The following TLL2 variants were observed in gnomAD, a reference collection of about 807,000 sequenced individuals.
TLL2 encodes the protein tolloid like 2, also known as tolloid-like protein 2.
TLL2 carries 106 observed loss-of-function variants against 123.0 expected under a neutral mutation model. The observed-to-expected ratio is 0.86, with a 90% CI of 0.74 to 1.01. TLL2 has a LOEUF of 1.01. Among genes scored for constraint, TLL2 ranks in the 50% least tolerant of loss-of-function variants. The probability of loss-of-function intolerance (pLI) is 0.00; values close to 1 mark genes in which losing one functional copy is unlikely to be tolerated. For synonymous variants in TLL2, 494 were observed against 516.8 expected (o/e 0.96, Z 0.60); for missense variants, 1,332 against 1,336.7 (o/e 1.00, Z 0.06).
At chr10:96,504,779 A>G (rs1847563228) in intron 1 of TLL2, among the ~76,000 whole-genome samples, 1 of 152,174 alleles carries the variant, frequency 6.6e-6, no homozygotes, top group Non-Finnish European at 1.5e-5. Flanking sequence ...GGCCGAAGTG[A>G]GCAGATCACG....
intron 7 of TLL2, among the ~76,000 whole-genome samples, chr10:96,419,892 C>T (rs984806364): frequency 2.6e-5 from 4 of 152,116 alleles, no homozygotes; most frequent in Admixed American, 6.5e-5. Flanking sequence ...GGATTATTTC[C>T]CTCTTTGCTG....
At chr10:96,504,396 G>T (rs1242222786) in intron 1 of TLL2, among the ~76,000 whole-genome samples, 1 of 152,104 alleles carries the variant, frequency 6.6e-6, no homozygotes, top group East Asian at 1.9e-4. Context: ...GATCACTTGA[G>T]GCCAGGAGTT....
chr10:96,439,785 C>A (rs1846833380), intron 3 of TLL2, among the ~76,000 whole-genome samples: 1 of 152,166 alleles, frequency 6.6e-6, no homozygotes, highest in African/African-American at 2.4e-5. Flanking sequence ...ACCAGAATTT[C>A]TAGAACAGAA....
chr10:96,379,150 G>T, intron 16 of TLL2, 58 bp from the exon 17 acceptor site: 1 of 1,580,834 alleles, frequency 6.3e-7, no homozygotes, highest in Non-Finnish European at 8.7e-7. Context: ...TGTCCCTCAG[G>T]GCTCAGAATC....
chr10:96,485,900 C>A (rs1246960452), intron 1 of TLL2, among the ~76,000 whole-genome samples: 1 of 152,038 alleles, frequency 6.6e-6, no homozygotes, highest in Non-Finnish European at 1.5e-5. Context: ...AAAAAGTGTC[C>A]GATGTCAATT....
Position 96,367,365 on chromosome 10 carries a change from C to T in TLL2, c.*723G>A, listed in dbSNP as rs1032972322. The stretch of plus-strand genomic sequence containing the variant: ...TTGTCTTCTCAGCAGACAGGACTCT[C>T]GCCAGCAAATGTTCTGCTGTATTCA... On this transcript the variant is annotated 3_prime_UTR_variant, in exon 21 of 21. Transcript: ENST00000357947. 1 of 152,198 alleles carries T rather than the reference C, an allele frequency of 6.6e-6. No homozygotes were observed. Among genetic ancestry groups the T allele is most frequent in the Admixed American group, 6.5e-5 (1 of 15,284 alleles). 9.4% of individuals were successfully genotyped at this position (152,198 alleles called of 1,614,324 possible). A position where few individuals can be genotyped will look rare whatever the true frequency, so the allele number is the denominator to read the frequency against.
At chr10:96,442,686 T>C (rs371878657) in intron 3 of TLL2, among the ~76,000 whole-genome samples, 20 of 152,330 alleles carry the variant, frequency 1.3e-4, no homozygotes, top group African/African-American at 4.8e-4. Context: ...CCAAGATTTT[T>C]TGTTGCAGTG....
At chr10:96,417,407 A>G (rs929446682) in intron 7 of TLL2, among the ~76,000 whole-genome samples, 3 of 152,236 alleles carry the variant, frequency 2.0e-5, no homozygotes, top group African/African-American at 7.2e-5. Context: ...TCTGGGGCAG[A>G]GGTGACAAGG....
intron 2 of TLL2, among the ~76,000 whole-genome samples, chr10:96,479,591 G>A (rs889953607): frequency 1.3e-5 from 2 of 152,228 alleles, no homozygotes; most frequent in African/African-American, 4.8e-5. Flanking sequence ...GGGCTGCAGA[G>A]AGCAGTGGGA....
intron 1 of TLL2, among the ~76,000 whole-genome samples, chr10:96,499,032 T>A (rs2134113272): frequency 6.6e-6 from 1 of 152,372 alleles, no homozygotes; most frequent in Non-Finnish European, 1.5e-5. Context: ...TTTGTGACAC[T>A]GGAACTGGAC....
chr10:96,396,976 G>A (rs996149411), intron 11 of TLL2, among the ~76,000 whole-genome samples: 7 of 152,190 alleles, frequency 4.6e-5, no homozygotes, highest in African/African-American at 1.4e-4. Flanking sequence ...TCAGAAGGAT[G>A]GCACTACTTC....
intron 13 of TLL2, among the ~76,000 whole-genome samples, chr10:96,388,969 C>A (rs1846261018): frequency 6.6e-6 from 1 of 152,206 alleles, no homozygotes; most frequent in East Asian, 1.9e-4. Context: ...TGAAGTTGCC[C>A]ATCGCCTCAA....
At chr10:96,369,122 C>G (rs1846054405) in intron 20 of TLL2, among the ~76,000 whole-genome samples, 1 of 152,340 alleles carries the variant, frequency 6.6e-6, no homozygotes, top group Non-Finnish European at 1.5e-5. Flanking sequence ...ACCGGGCCTC[C>G]AGGCAACAGA....
At chr10:96,428,845 C>T (rs1846706835) in intron 4 of TLL2, 97 bp from the exon 5 acceptor site, 5 of 808,910 alleles carry the variant, frequency 6.2e-6, no homozygotes, top group Middle Eastern at 2.6e-4. Flanking sequence ...GCCTTTGTTG[C>T]CCAGGCTGGA....
At chr10:96,504,958 A>C (rs763638450) in intron 1 of TLL2, among the ~76,000 whole-genome samples, 3 of 152,258 alleles carry the variant, frequency 2.0e-5, no homozygotes, top group Non-Finnish European at 2.9e-5. Flanking sequence ...CAGTGAGCCG[A>C]GATCGCACCG....
chr10:96,494,801 A>G (rs1467281851), intron 1 of TLL2, among the ~76,000 whole-genome samples: 2 of 152,226 alleles, frequency 1.3e-5, no homozygotes, highest in Non-Finnish European at 2.9e-5. Flanking sequence ...TTCTGGAGGC[A>G]TGGCCCACAA....
chr10:96,424,263 C>T (rs1274269805), intron 5 of TLL2, among the ~76,000 whole-genome samples: 1 of 151,942 alleles, frequency 6.6e-6, no homozygotes, highest in Non-Finnish European at 1.5e-5. Flanking sequence ...AACAGAGTGA[C>T]TATAGTCAAT....
chr10:96,476,248 T>TTTTTGTTGTTGTTGTTG (rs1285354320), intron 2 of TLL2, among the ~76,000 whole-genome samples: 1 of 69,228 alleles, frequency 1.4e-5, no homozygotes, highest in African/African-American at 6.2e-5. Context: ...ATATTTTATT[T>TTTTTGTTGTTGTTGTTG]TTGTTGTTGT....
intron 4 of TLL2, among the ~76,000 whole-genome samples, chr10:96,431,647 G>A (rs1239932049): frequency 6.6e-6 from 1 of 152,178 alleles, no homozygotes; most frequent in Admixed American, 6.5e-5. Context: ...AGATACGGAA[G>A]CAGAAATGAG....
Sources: allele counts gnomAD v4.1 joint callset (sites outside exome capture counted in the v4.1 genomes callset), GRCh38; gene constraint gnomAD v4.1.1; transcripts MANE v1.5; gene names NCBI Gene and HGNC (gene_info 2026-07-23, HGNC 2026-07-21).